Variants in COL23A1 observed in about 807,000 individuals in gnomAD.
COL23A1 encodes the protein collagen type XXIII alpha 1 chain, also known as collagen alpha-1(XXIII) chain.
COL23A1 carries 97 observed loss-of-function variants against 99.3 expected under a neutral mutation model. That is an observed-to-expected ratio of 0.98 (90% confidence interval 0.83 to 1.16). The LOEUF (loss-of-function observed/expected upper bound fraction) is 1.16, where lower values mean the gene tolerates loss of function less well. Among genes scored for constraint, COL23A1 ranks in the 50% most tolerant of loss-of-function variants. The pLI, the probability that COL23A1 is intolerant of heterozygous loss-of-function variation, is 0.00. For missense variants in COL23A1, 762 were observed against 757.4 expected (o/e 1.01, Z -0.07); for synonymous variants, 320 against 308.2 (o/e 1.04, Z -0.40).
intron 2 of COL23A1, among the ~76,000 whole-genome samples, chr5:178,550,429 T>A (rs916014557): frequency 2.0e-5 from 3 of 152,158 alleles, no homozygotes; most frequent in African/African-American, 7.2e-5. Context: ...CCACAAAGTA[T>A]GATCAACTAC....
chr5:178,243,535 G>A (rs974368368), intron 25 of COL23A1, among the ~76,000 whole-genome samples: 2 of 151,622 alleles, frequency 1.3e-5, no homozygotes, highest in Admixed American at 6.6e-5. Flanking sequence ...AATTGGATTC[G>A]ACATGGTCCC....
In COL23A1 at chr5:178,251,611, C is replaced by T. The variant is rs557848270; in HGVS notation, c.1014+933G>A. On this transcript the variant is annotated intron_variant, in intron 17 of 28. Coordinates refer to ENST00000390654, the MANE Select transcript of COL23A1 (RefSeq NM_173465.4). ...AAAAGTTTTAGATTCAGGGGGTACA[C>T]GGGCAGGGTTGTCACATGGGATTGC... is the stretch of plus-strand genomic sequence containing the variant. 7.2e-5 allele frequency among the ~76,000 whole-genome samples: 11 copies of T among 152,258 alleles called. No individual in the cohort carries two copies. In the East Asian group the frequency reaches 7.7e-4, roughly 11 times the overall value.
chr5:178,580,183 C>A (rs1763589248), intron 1 of COL23A1, among the ~76,000 whole-genome samples: 1 of 152,122 alleles, frequency 6.6e-6, no homozygotes, highest in South Asian at 2.1e-4. Flanking sequence ...CAAAACTTAG[C>A]CGGGTGTGAT....
At chr5:178,450,071 G>C (rs926180785) in intron 2 of COL23A1, among the ~76,000 whole-genome samples, 12 of 152,114 alleles carry the variant, frequency 7.9e-5, no homozygotes, top group Admixed American at 7.9e-4. Flanking sequence ...CCCGGAGCAG[G>C]AACAAGGCTG....
At chr5:178,423,227 C>T (rs1196978115) in intron 2 of COL23A1, among the ~76,000 whole-genome samples, 1 of 152,158 alleles carries the variant, frequency 6.6e-6, no homozygotes, top group Non-Finnish European at 1.5e-5. Context: ...TCAAGTGATC[C>T]TCCAGTCTCA....
At chr5:178,479,181 A>G (rs927350041) in intron 2 of COL23A1, among the ~76,000 whole-genome samples, 7 of 152,156 alleles carry the variant, frequency 4.6e-5, no homozygotes, top group Non-Finnish European at 8.8e-5. Context: ...CAGGCGCTTT[A>G]TGTGCAGGAT....
At chr5:178,412,994 C>T (rs1384029501) in intron 2 of COL23A1, among the ~76,000 whole-genome samples, 3 of 145,916 alleles carry the variant, frequency 2.1e-5, no homozygotes, top group Non-Finnish European at 4.5e-5. Context: ...CAATTCTGAG[C>T]CTGGGCAACA....
rs1171707821 is a variant in COL23A1, at chr5:178,306,749, G to A, written c.406+126C>T. ...CGGCAGCTGGACTTGGAAGGGGGAG[G>A]AGCACCTGCCCAGGACCAAGGCATG... On this transcript the variant is annotated intron_variant, in intron 3 of 28. Coordinates refer to ENST00000390654, the MANE Select transcript of COL23A1 (RefSeq NM_173465.4). The surrounding 1 kb of genome is among the most constrained non-coding windows in gnomAD (Gnocchi z 4.1). 6.7e-6 allele frequency: 4 copies of A among 594,692 alleles called. No individual in the cohort carries two copies. Among genetic ancestry groups the A allele is most frequent in the African/African-American group, 2.0e-5 (1 of 51,254 alleles). The allele number at this position is 594,692 out of a possible 1,614,324, so 36.8% of individuals were successfully genotyped here.
intron 2 of COL23A1, among the ~76,000 whole-genome samples, chr5:178,410,561 C>T (rs758663568): frequency 3.9e-5 from 6 of 152,186 alleles, no homozygotes; most frequent in Non-Finnish European, 7.4e-5. Flanking sequence ...GAGAGTCAAA[C>T]TCAATATCTA....
chr5:178,248,302 T>C, intron 19 of COL23A1, 48 bp from the exon 20 acceptor site: 1 of 1,451,254 alleles, frequency 6.9e-7, no homozygotes, highest in South Asian at 1.2e-5. Context: ...AGCACCTGTA[T>C]CACCACCCAC....
At chr5:178,421,143 T>A (rs977128875) in intron 2 of COL23A1, among the ~76,000 whole-genome samples, 1 of 152,180 alleles carries the variant, frequency 6.6e-6, no homozygotes, top group South Asian at 2.1e-4. Context: ...GTTCCCACAG[T>A]GTAACCCAAA....
chr5:178,352,549 G>A (rs1761389576), intron 2 of COL23A1, among the ~76,000 whole-genome samples: 1 of 152,134 alleles, frequency 6.6e-6, no homozygotes, highest in African/African-American at 2.4e-5. Context: ...AAATATAGAA[G>A]CACAGCTCCT....
intron 12 of COL23A1, 47 bp downstream of exon 12, chr5:178,259,674 C>A: frequency 6.4e-7 from 1 of 1,566,652 alleles, no homozygotes; most frequent in Non-Finnish European, 8.7e-7. Flanking sequence ...TTCTCTCCAG[C>A]CACTTCCCAA....
chr5:178,306,918 C>T lies in COL23A1; in HGVS notation c.363G>A (p.Gly121=). 2.0e-6 allele frequency: 3 copies of T among 1,529,452 alleles called. No homozygotes were observed. Among genetic ancestry groups the T allele is most frequent in the Middle Eastern group, 1.7e-4 (1 of 5,808 alleles). 94.7% of individuals were successfully genotyped at this position (1,529,452 alleles called of 1,614,324 possible). ...EAPSECVCPP[G]PPGRRGKPGR... ...CAGGCTTGCCGCGCCGTCCAGGGGGCCCTAGACAGGAAAACAAGAATGCAT... is the reference window on the plus strand; with the variant it reads ...CAGGCTTGCCGCGCCGTCCAGGGGGTCCTAGACAGGAAAACAAGAATGCAT... The change falls in exon 3 of 29, where the codon GGG becomes GGA. Residue 121 remains glycine, a splice_region_variant and synonymous_variant. Coordinates refer to ENST00000390654, the MANE Select transcript of COL23A1 (RefSeq NM_173465.4). The surrounding 1 kb of genome is among the most constrained non-coding windows in gnomAD (Gnocchi z 4.1).
chr5:178,363,640 AG>A, intron 2 of COL23A1, among the ~76,000 whole-genome samples: 15 of 152,168 alleles, frequency 9.9e-5, no homozygotes, highest in Admixed American at 1.3e-4. Flanking sequence ...CTCGACCCAC[AG>A]TCCCACAGGA....
chr5:178,540,870 C>T (rs747551773), intron 2 of COL23A1, among the ~76,000 whole-genome samples: 2 of 152,034 alleles, frequency 1.3e-5, no homozygotes, highest in African/African-American at 2.4e-5. Flanking sequence ...CAGGCTCCAG[C>T]GGGCCATGTT....
intron 2 of COL23A1, among the ~76,000 whole-genome samples, chr5:178,503,845 A>G (rs1758714270): frequency 6.6e-6 from 1 of 152,124 alleles, no homozygotes; most frequent in South Asian, 2.1e-4. Flanking sequence ...CATACAAATT[A>G]AAACTCCAGG....
rs777890909 is a variant in COL23A1 at position 178,586,496 on chromosome 5, T to C, written c.294+3408A>G. ...CCATGCCTCAAATTTTCAAAGCCGA[T>C]GTGGAAAAGTCCAATCCAAAATGAC... On this transcript the variant is annotated intron_variant, in intron 1 of 28. Coordinates refer to ENST00000390654, the MANE Select transcript of COL23A1 (RefSeq NM_173465.4). Among the ~76,000 whole-genome samples, 19 of 151,938 alleles carry C rather than the reference T, an allele frequency of 1.3e-4. 1 individual carries two copies. Among genetic ancestry groups the C allele is most frequent in the Non-Finnish European group, 1.9e-4 (13 of 68,008 alleles).
At chr5:178,538,170 C>T (rs1427878850) in intron 2 of COL23A1, among the ~76,000 whole-genome samples, 1 of 152,220 alleles carries the variant, frequency 6.6e-6, no homozygotes, top group Non-Finnish European at 1.5e-5. Context: ...TTCCTCCCTC[C>T]TCCTCACACA....
Sources: allele counts gnomAD v4.1 joint callset (sites outside exome capture counted in the v4.1 genomes callset), GRCh38; gene constraint gnomAD v4.1.1; non-coding constraint Gnocchi (gnomAD v3.1); transcripts MANE v1.5; gene names NCBI Gene and HGNC (gene_info 2026-07-23, HGNC 2026-07-21).